The following KIF3A variants were observed in gnomAD, a reference collection of about 807,000 sequenced individuals.
KIF3A encodes the protein kinesin family member 3A.
In KIF3A, 27 loss-of-function variants were observed where a neutral mutation model predicts 92.6. The observed-to-expected ratio is 0.29, with a 90% CI of 0.21 to 0.40. The LOEUF (loss-of-function observed/expected upper bound fraction) is 0.40. Ranked by LOEUF, KIF3A falls within the 10% of genes least tolerant of loss-of-function variation. The pLI is 1.00. For missense variants in KIF3A, 581 were observed against 872.6 expected, an observed-to-expected ratio of 0.67 and a Z score of 4.21; for synonymous variants, 250 against 275.4, an observed-to-expected ratio of 0.91 and a Z score of 0.92.
In KIF3A at chr5:132,695,061, CT is replaced by C. The variant is rs1288607857; in HGVS notation, c.*1572del. ...ATAATATTAATTTAATAAATACTAA[CT>C]TATAAAGTCTCAAAATATTTTCAAC... On this transcript the variant is annotated 3_prime_UTR_variant, in exon 19 of 19. Coordinates refer to ENST00000403231, the MANE Select transcript of KIF3A (RefSeq NM_001300791.2). 1 of 152,218 alleles carries C rather than the reference CT, an allele frequency of 6.6e-6. No individual in the cohort carries two copies. The highest frequency in any genetic ancestry group is 1.5e-5 in the Non-Finnish European group (1 of 68,038). 9.4% of individuals were successfully genotyped at this position (152,218 alleles called of 1,614,324 possible).
At chr5:132,724,804 AAAATATAT>A (rs1259200121) in intron 4 of KIF3A, among the ~76,000 whole-genome samples, 8 of 20,524 alleles carry the variant, frequency 3.9e-4, no homozygotes, top group African/African-American at 9.7e-4. Flanking sequence ...AAAAAAAAAA[AAAATATAT>A]ATATATATAT....
At chr5:132,698,986 C>T (rs1752932823) in intron 18 of KIF3A, among the ~76,000 whole-genome samples, 185 bp downstream of exon 18, 1 of 152,210 alleles carries the variant, frequency 6.6e-6, no homozygotes, top group Admixed American at 6.5e-5. Flanking sequence ...GATCCACCTG[C>T]CTCGGCCTCC....
Position 132,702,960 on chromosome 5 carries a change from A to C in KIF3A, c.1572T>G (p.Leu524=), listed in dbSNP as rs1231235364. Residue 524 remains leucine, a synonymous_variant, in exon 13 of 19, where the codon CTT becomes CTG. Coordinates refer to ENST00000403231, the MANE Select transcript of KIF3A (RefSeq NM_001300791.2). ...CTTCCAGTTCCATGTTAGATTCTTC[A>C]AGAAGTTTCTCTTGTTCCTCAGCTT... ...LAKAEEQEKL[L]EESNMELEER... The C allele has an allele frequency of 6.2e-7, 1 of 1,613,362 alleles. No individual in the cohort carries two copies. The highest frequency in any genetic ancestry group is 8.5e-7 in the Non-Finnish European group (1 of 1,179,744).
At chr5:132,689,088 C>G (rs1219648403), downstream of KIF3A, among the ~76,000 whole-genome samples, 2 of 152,200 alleles carry the variant, frequency 1.3e-5, no homozygotes, top group African/African-American at 4.8e-5. Context: ...TGAGAGGAAA[C>G]AGGTTCTTTT....
chr5:132,724,760 C>T (rs1459535168), intron 4 of KIF3A, among the ~76,000 whole-genome samples: 24 of 132,142 alleles, frequency 1.8e-4, no homozygotes, highest in Non-Finnish European at 2.7e-4. Flanking sequence ...ACCTGCACGT[C>T]GTGCACATGT....
chr5:132,707,108 G>A (rs780489764), intron 10 of KIF3A, among the ~76,000 whole-genome samples: 8 of 149,816 alleles, frequency 5.3e-5, no homozygotes, highest in South Asian at 2.1e-4. Context: ...CAATACATCC[G>A]ATTTCCCAAC....
intron 4 of KIF3A, chr5:132,721,287 G>A (rs1753815339): frequency 6.6e-6 from 1 of 152,172 alleles, no homozygotes; most frequent in Non-Finnish European, 1.5e-5. Context: ...TAGTATCAAT[G>A]TTAAAATATG....
In KIF3A at chr5:132,700,712, G is replaced by T. The variant is rs201324759; in HGVS notation, c.1885-12C>A. 9.7e-6 allele frequency: 15 copies of T among 1,544,596 alleles called. No homozygotes were observed. Among genetic ancestry groups the T allele is most frequent in the Admixed American group, 5.1e-5 (3 of 59,318 alleles). ...TTTTCAATCATTTCCTTTTAAAAGG[G>T]TGAAAGATAGCCTATTTTTAATATT... On this transcript the variant is annotated splice_polypyrimidine_tract_variant and intron_variant, in intron 15 of 18. Transcript: ENST00000403231.
At chr5:132,712,140 A>G (rs1201132458) in intron 8 of KIF3A, among the ~76,000 whole-genome samples, 1 of 152,234 alleles carries the variant, frequency 6.6e-6, no homozygotes. Flanking sequence ...CTTAGAAACA[A>G]TGACATCTTG....
rs1301478204 is a variant in KIF3A, at chr5:132,694,453, G to A, written c.*2181C>T. On this transcript the variant is annotated 3_prime_UTR_variant, in exon 19 of 19. Transcript: ENST00000403231. ...TTCTCAATTGACTTTTTATAGATCG[G>A]CTTTTTATTTTGACTTTTTATAGAT... 1 of 152,194 alleles carries A rather than the reference G, an allele frequency of 6.6e-6. No individual in the cohort carries two copies. The highest frequency in any genetic ancestry group is 1.5e-5 in the Non-Finnish European group (1 of 68,018). The allele number at this position is 152,194 out of a possible 1,614,324, so 9.4% of individuals were successfully genotyped here. A position where few individuals can be genotyped will look rare whatever the true frequency, so the allele number is the denominator to read the frequency against.
chr5:132,736,627 T>A (rs778402514), intron 1 of KIF3A: 5 of 310,792 alleles, frequency 1.6e-5, no homozygotes, highest in Non-Finnish European at 2.0e-5. Flanking sequence ...ATAGAGCATT[T>A]AATCTTAAAT....
chr5:132,692,246 C>T (rs542895146), downstream of KIF3A, among the ~76,000 whole-genome samples: 1 of 152,040 alleles, frequency 6.6e-6, no homozygotes, highest in Non-Finnish European at 1.5e-5. Context: ...AAGAAGGAAA[C>T]AACAGACACT....
intron 12 of KIF3A, 45 bp from the exon 13 acceptor site, chr5:132,703,110 T>C (rs757596257): frequency 6.8e-6 from 10 of 1,476,958 alleles, no homozygotes; most frequent in Non-Finnish European, 9.2e-6. Flanking sequence ...GATGATCTAT[T>C]ATTCTACTAA....
chr5:132,734,457 C>T lies in KIF3A; in HGVS notation c.28G>A (p.Glu10Lys). Residue 10 changes from glutamate to lysine, a missense_variant, in exon 2 of 19, where the codon GAA becomes AAA. Around this residue, in one of 5 missense-constraint regions of KIF3A, gnomAD observed 217 missense variants for 299.7 expected, o/e 0.72. Coordinates refer to ENST00000403231, the MANE Select transcript of KIF3A (RefSeq NM_001300791.2). MPINKSEKP[E>K]SCDNVKVVVR... Reference sequence around the variant, plus strand: ...ACAACCTTCACATTATCGCAGCTTTCTGGCTTCTCTGATTTATTGATCTGT... The same window carrying T: ...ACAACCTTCACATTATCGCAGCTTTTTGGCTTCTCTGATTTATTGATCTGT... The T allele has an allele frequency of 6.2e-7, 1 of 1,611,584 alleles. No individual in the cohort carries two copies. The highest frequency in any genetic ancestry group is 2.2e-5 in the East Asian group (1 of 44,860).
chr5:132,711,832 C>CAAAAA (rs1261073505), intron 8 of KIF3A, among the ~76,000 whole-genome samples: 1 of 151,628 alleles, frequency 6.6e-6, no homozygotes, highest in African/African-American at 2.4e-5. Flanking sequence ...AAGATATTTT[C>CAAAAA]AAAAAAAGAA....
rs565780411 is a variant in KIF3A at position 132,695,352 on chromosome 5, A to C, written c.*1282T>G. 4 of 152,102 alleles carry C rather than the reference A, an allele frequency of 2.6e-5. No individual in the cohort carries two copies. In the East Asian group the frequency reaches 7.7e-4, roughly 29 times the overall value. 9.4% of individuals were successfully genotyped at this position (152,102 alleles called of 1,614,324 possible). A position where few individuals can be genotyped will look rare whatever the true frequency, so the allele number is the denominator to read the frequency against. On this transcript the variant is annotated 3_prime_UTR_variant, in exon 19 of 19. Transcript: ENST00000403231. ...ACACCCAGCTAATTATTGTATTTGT[A>C]CTGGAGACAGGGTTTCACCATGTTA...
At chr5:132,711,577 G>A (rs1414956348) in intron 8 of KIF3A, among the ~76,000 whole-genome samples, 2 of 143,702 alleles carry the variant, frequency 1.4e-5, no homozygotes, top group African/African-American at 5.1e-5. Context: ...CAACAACAGA[G>A]TGACTCTGTC....
At chr5:132,709,610 ATCTG>A (rs369934213) in intron 9 of KIF3A, among the ~76,000 whole-genome samples, 466 of 152,328 alleles carry the variant, frequency 3.1e-3, no homozygotes, top group Non-Finnish European at 5.4e-3. Flanking sequence ...TTTTTAACAA[ATCTG>A]TTATCAGCTT....
chr5:132,715,993 C>T, intron 7 of KIF3A, 62 bp from the exon 8 acceptor site: 1 of 1,193,574 alleles, frequency 8.4e-7, no homozygotes, highest in Non-Finnish European at 1.2e-6. Context: ...ATTAATACTA[C>T]CATTACAAAT....
Sources: allele counts gnomAD v4.1 joint callset (sites outside exome capture counted in the v4.1 genomes callset), GRCh38; gene constraint gnomAD v4.1.1; regional missense constraint gnomAD v4.1.1; transcripts MANE v1.5; gene names NCBI Gene and HGNC (gene_info 2026-07-23, HGNC 2026-07-21).